MBNL3: variants seen among roughly 807,000 people sequenced by gnomAD.
MBNL3 encodes muscleblind-like protein 3.
In MBNL3, 6 loss-of-function variants were observed where a neutral mutation model predicts 24.5. That is an observed-to-expected ratio of 0.25 (90% CI 0.13 to 0.48). MBNL3 has a LOEUF of 0.48. MBNL3 is among the 20% of genes least tolerant of loss of function. MBNL3 has a pLI of 0.99. For synonymous variants in MBNL3, 100 were observed against 101.7 expected, an observed-to-expected ratio of 0.98 and a Z score of 0.10; for missense variants, 230 against 293.5, an observed-to-expected ratio of 0.78 and a Z score of 1.58.
chrX:132,390,444 T>G (rs1038337935), intron 5 of MBNL3, among the ~76,000 whole-genome samples: 1 of 109,978 alleles, frequency 9.1e-6, no homozygotes, highest in Non-Finnish European at 1.9e-5. Flanking sequence ...AGTGCTGTGT[T>G]TTTGAAAGGC....
intron 1 of MBNL3, among the ~76,000 whole-genome samples, chrX:132,465,622 A>G (rs185410336): frequency 2.6e-4 from 29 of 112,174 alleles, no homozygotes; most frequent in African/African-American, 9.1e-4. Flanking sequence ...ATGCACAAGT[A>G]TTTTGAAGCA....
chrX:132,446,116 G>T, intron 1 of MBNL3, among the ~76,000 whole-genome samples: 1 of 111,900 alleles, frequency 8.9e-6, no homozygotes, highest in Admixed American at 9.4e-5. Flanking sequence ...CCCTGCAAAG[G>T]ACGTGAACTC....
chrX:132,384,304 A>G (rs902175979), intron 7 of MBNL3, among the ~76,000 whole-genome samples: 4 of 112,529 alleles, frequency 3.6e-5, no homozygotes, highest in African/African-American at 1.3e-4. Context: ...CAAGTTATAC[A>G]TTTTAAGTAT....
intron 3 of MBNL3, among the ~76,000 whole-genome samples, chrX:132,396,293 C>T (rs1214236080): frequency 6.0e-5 from 6 of 100,276 alleles, no homozygotes; most frequent in East Asian, 3.0e-4. Flanking sequence ...AATTCTCCAA[C>T]GCTTTCAGGA....
At chrX:132,409,490 A>G (rs975331155) in intron 2 of MBNL3, among the ~76,000 whole-genome samples, 3 of 111,667 alleles carry the variant, frequency 2.7e-5, no homozygotes, top group Non-Finnish European at 5.6e-5. Flanking sequence ...CATTGGGTCT[A>G]TAACAGTTTG....
intron 1 of MBNL3, among the ~76,000 whole-genome samples, chrX:132,455,642 A>C (rs1466803031): frequency 8.9e-6 from 1 of 111,870 alleles, no homozygotes; most frequent in Non-Finnish European, 1.9e-5. Flanking sequence ...ATATCTTGGC[A>C]ATCTGTGATC....
intron 1 of MBNL3, among the ~76,000 whole-genome samples, chrX:132,463,277 C>A (rs1000382348): frequency 2.7e-5 from 3 of 111,553 alleles, no homozygotes; most frequent in Admixed American, 9.5e-5. Context: ...GCCTGACCAA[C>A]ATGGTGAAAC....
intron 1 of MBNL3, among the ~76,000 whole-genome samples, chrX:132,450,008 G>C (rs1313952638): frequency 2.5e-5 from 2 of 80,429 alleles, no homozygotes; most frequent in Non-Finnish European, 4.5e-5. Context: ...CTTCTGGCTT[G>C]TAGGGTTTCT....
chrX:132,436,424 C>T (rs1179161991), intron 2 of MBNL3, among the ~76,000 whole-genome samples: 1 of 111,913 alleles, frequency 8.9e-6, no homozygotes, highest in Non-Finnish European at 1.9e-5. Context: ...ATCTGTTGTA[C>T]CTGTTATTAA....
chrX:132,382,456 G>A (rs1935175415), intron 7 of MBNL3, among the ~76,000 whole-genome samples, 184 bp from the exon 8 acceptor site: 1 of 111,396 alleles, frequency 9.0e-6, no homozygotes, highest in South Asian at 3.8e-4. Context: ...ATGGAAGGGG[G>A]GAAAATTAAA....
chrX:132,400,471 T>C (rs760344995), intron 3 of MBNL3, among the ~76,000 whole-genome samples: 96 of 111,909 alleles, frequency 8.6e-4, no homozygotes, highest in Non-Finnish European at 1.7e-3. Context: ...GGACCAGTAA[T>C]TGCAATGAGG....
chrX:132,487,701 C>A (rs181915302), intron 1 of MBNL3, among the ~76,000 whole-genome samples: 8 of 111,809 alleles, frequency 7.2e-5, no homozygotes, highest in Admixed American at 5.7e-4. Flanking sequence ...CCAAAAGTAT[C>A]GCACATTAGA....
chrX:132,396,381 C>CAT (rs1167509335), intron 3 of MBNL3, among the ~76,000 whole-genome samples: 30 of 76,010 alleles, frequency 3.9e-4, no homozygotes, highest in East Asian at 1.5e-3. Flanking sequence ...CATATATATT[C>CAT]ATATATATAT....
At chrX:132,485,494 T>C (rs1947959816) in intron 1 of MBNL3, among the ~76,000 whole-genome samples, 1 of 112,362 alleles carries the variant, frequency 8.9e-6, no homozygotes, top group Non-Finnish European at 1.9e-5. Context: ...GTTATTAACA[T>C]CCATTAAGAC....
intron 1 of MBNL3, among the ~76,000 whole-genome samples, chrX:132,483,945 A>G (rs1470078441): frequency 8.9e-6 from 1 of 112,135 alleles, no homozygotes; most frequent in African/African-American, 3.2e-5. Flanking sequence ...TTCCTAAACT[A>G]TACATGACAG....
At chrX:132,485,492 C>G (rs1400801398) in intron 1 of MBNL3, among the ~76,000 whole-genome samples, 1 of 112,144 alleles carries the variant, frequency 8.9e-6, no homozygotes, top group African/African-American at 3.2e-5. Flanking sequence ...ATGTTATTAA[C>G]ATCCATTAAG....
chrX:132,471,806 G>A (rs1184021753), intron 1 of MBNL3, among the ~76,000 whole-genome samples: 1 of 112,885 alleles, frequency 8.9e-6, no homozygotes, highest in African/African-American at 3.2e-5. Context: ...GCTGCAGGGG[G>A]GAAGGGAAGA....
chrX:132,487,606 C>T (rs1011728288), intron 1 of MBNL3, among the ~76,000 whole-genome samples: 17 of 112,402 alleles, frequency 1.5e-4, no homozygotes, highest in African/African-American at 4.9e-4. Flanking sequence ...GAGTGAACAG[C>T]GATAGAATAT....
intron 2 of MBNL3, among the ~76,000 whole-genome samples, chrX:132,407,845 G>C (rs1942064110): frequency 9.0e-6 from 1 of 110,781 alleles, no homozygotes; most frequent in South Asian, 3.8e-4. Context: ...AGCTGATGGA[G>C]GGAGTGGCAC....
Sources: gnomAD v4.1 joint callset for allele counts (sites outside exome capture counted in the v4.1 genomes callset) on GRCh38, gnomAD v4.1.1 for gene constraint, MANE v1.5 for transcripts, NCBI Gene and HGNC (gene_info 2026-07-23, HGNC 2026-07-21) for gene names.